Variants in ASTN2 observed in about 807,000 individuals in gnomAD.
ASTN2 encodes the protein astrotactin-2.
ASTN2 carries 54 observed loss-of-function variants against 139.8 expected under a neutral mutation model. The ratio of observed to expected loss-of-function variants is 0.39; its 90% confidence interval spans 0.31 to 0.48. The LOEUF (loss-of-function observed/expected upper bound fraction) is 0.48, where lower values mean the gene tolerates loss of function less well. Ranked by LOEUF, ASTN2 falls within the 20% of genes least tolerant of loss-of-function variation. ASTN2 has a pLI of 0.95. For synonymous variants in ASTN2, 756 were observed against 719.5 expected (o/e 1.05, Z -0.81); for missense variants, 1,565 against 1,725.1 (o/e 0.91, Z 1.64).
chr9:117,174,927 A>C (rs988957618), intron 3 of ASTN2, among the ~76,000 whole-genome samples: 2 of 152,076 alleles, frequency 1.3e-5, no homozygotes, highest in Non-Finnish European at 2.9e-5. Context: ...AGAAAATGGC[A>C]TGCTCTGCCA....
At chr9:116,641,358 A>G (rs1406689420) in intron 17 of ASTN2, among the ~76,000 whole-genome samples, 1 of 152,194 alleles carries the variant, frequency 6.6e-6, no homozygotes, top group Non-Finnish European at 1.5e-5. Context: ...TCAGGTGCTC[A>G]GGTCAAATCC....
intron 11 of ASTN2, among the ~76,000 whole-genome samples, chr9:116,830,897 G>A (rs969967370): frequency 2.0e-5 from 3 of 151,616 alleles, no homozygotes; most frequent in South Asian, 2.1e-4. Flanking sequence ...GCAAAAATAC[G>A]GAATTAACCT....
At chr9:117,254,553 T>C (rs569812930) in intron 2 of ASTN2, among the ~76,000 whole-genome samples, 5 of 152,262 alleles carry the variant, frequency 3.3e-5, no homozygotes, top group East Asian at 1.9e-4. Context: ...GTAGGAAGCT[T>C]AGTGTCAACT....
chr9:116,794,978 G>T (rs1830653643), intron 13 of ASTN2, among the ~76,000 whole-genome samples: 1 of 151,900 alleles, frequency 6.6e-6, no homozygotes, highest in South Asian at 2.1e-4. Flanking sequence ...TTGTTTTTTT[G>T]TTTGCTTGGT....
chr9:116,618,615 C>T (rs369912621), intron 18 of ASTN2, 143 bp from the exon 19 acceptor site: 36 of 951,934 alleles, frequency 3.8e-5, no homozygotes, highest in Middle Eastern at 3.4e-4. Context: ...CTTGCATGAC[C>T]GTAGGCAAGT....
At chr9:116,615,874 T>TA (rs1321093425) in intron 19 of ASTN2, among the ~76,000 whole-genome samples, 5 of 151,398 alleles carry the variant, frequency 3.3e-5, no homozygotes, top group Non-Finnish European at 5.9e-5. Flanking sequence ...TAAAGTATAA[T>TA]AAAAAAAATA....
At chr9:116,637,665 A>G (rs746500871) in intron 17 of ASTN2, among the ~76,000 whole-genome samples, 1 of 152,228 alleles carries the variant, frequency 6.6e-6, no homozygotes, top group African/African-American at 2.4e-5. Context: ...GGGGCTGGGT[A>G]CGGTAGTACA....
intron 19 of ASTN2, among the ~76,000 whole-genome samples, chr9:116,516,071 T>C (rs1028335245): frequency 1.3e-5 from 2 of 152,186 alleles, no homozygotes; most frequent in Non-Finnish European, 2.9e-5. Context: ...ATAATTTCCC[T>C]TATTTTATTA....
At chr9:117,385,830 G>A (rs1334845312) in intron 1 of ASTN2, among the ~76,000 whole-genome samples, 1 of 152,094 alleles carries the variant, frequency 6.6e-6, no homozygotes. Flanking sequence ...AGAAGAGAGA[G>A]AAAGGAGTAA....
intron 19 of ASTN2, among the ~76,000 whole-genome samples, chr9:116,514,419 G>A (rs1052919148): frequency 3.3e-5 from 5 of 152,036 alleles, no homozygotes; most frequent in African/African-American, 9.7e-5. Flanking sequence ...CTACTAGGGG[G>A]TGCCTCCCAG....
intron 13 of ASTN2, among the ~76,000 whole-genome samples, chr9:116,758,245 T>G (rs1361015313): frequency 6.6e-6 from 1 of 152,210 alleles, no homozygotes; most frequent in African/African-American, 2.4e-5. Flanking sequence ...GAAAACTTAT[T>G]GCTAGCAAAG....
At position 116,999,083 on chromosome 9, in the gene ASTN2, A is replaced by G. The variant is rs1174462045; in HGVS notation, c.1591+9009T>C. Among the ~76,000 whole-genome samples, 7 of 152,326 alleles carry G rather than the reference A, an allele frequency of 4.6e-5. No homozygotes were observed. In the East Asian group the frequency reaches 1.4e-3, roughly 29 times the overall value. On this transcript the variant is annotated intron_variant, in intron 7 of 22. Transcript: ENST00000313400. ...GTGGCTGCTGAAGACATGGAAATAA[A>G]CTGAATGTAATGGTGAACATGACTG...
intron 16 of ASTN2, among the ~76,000 whole-genome samples, chr9:116,691,825 A>G (rs1860582484): frequency 6.6e-6 from 1 of 152,248 alleles, no homozygotes; most frequent in Non-Finnish European, 1.5e-5. Flanking sequence ...CTTGATTAGC[A>G]TTCTGTTAGA....
intron 19 of ASTN2, chr9:116,610,843 A>G (rs1024614632): frequency 1.3e-5 from 2 of 152,112 alleles, no homozygotes; most frequent in African/African-American, 4.8e-5. Context: ...TGCAGAAGAA[A>G]TAAGTCCATA....
At chr9:116,740,117 T>C (rs920014723) in intron 13 of ASTN2, among the ~76,000 whole-genome samples, 1 of 152,192 alleles carries the variant, frequency 6.6e-6, no homozygotes, top group African/African-American at 2.4e-5. Context: ...AAGGGGTTGG[T>C]TAAACCTCCC....
At chr9:116,700,174 C>T (rs759997807) in intron 16 of ASTN2, 9 of 212,048 alleles carry the variant, frequency 4.2e-5, no homozygotes, top group African/African-American at 7.1e-5. Flanking sequence ...GGATCTGCTC[C>T]ACCTTTCAGT....
chr9:117,330,520 C>T (rs1326537975), intron 1 of ASTN2, among the ~76,000 whole-genome samples: 1 of 152,168 alleles, frequency 6.6e-6, no homozygotes, highest in African/African-American at 2.4e-5. Context: ...TCATGTTCCT[C>T]CATCCCGACT....
chr9:116,695,234 A>T (rs1860784842), intron 16 of ASTN2, among the ~76,000 whole-genome samples: 1 of 152,166 alleles, frequency 6.6e-6, no homozygotes, highest in African/African-American at 2.4e-5. Flanking sequence ...TCGTTTCCTC[A>T]TCTGTAAAAT....
At position 116,956,089 on chromosome 9, in the gene ASTN2, C is replaced by CT. The variant is rs1470204289; in HGVS notation, c.1889+19118dup. 1.3e-4 allele frequency among the ~76,000 whole-genome samples: 14 copies of CT among 105,594 alleles called. No individual in the cohort carries two copies. In the South Asian group the frequency reaches 2.7e-3, roughly 21 times the overall value. The allele number at this position is 105,594 out of a possible 152,430, so 69.3% of individuals were successfully genotyped here. ...CTAATCAGAACTCTTTTTTCTTTTT[C>CT]TTTTCTTTTTTTTTTTTTTTTTTGA... On this transcript the variant is annotated intron_variant, in intron 10 of 22. Transcript: ENST00000313400.
Sources: gnomAD v4.1 joint callset for allele counts (sites outside exome capture counted in the v4.1 genomes callset) on GRCh38, gnomAD v4.1.1 for gene constraint, MANE v1.5 for transcripts, NCBI Gene and HGNC (gene_info 2026-07-23, HGNC 2026-07-21) for gene names.